BPTF: variants seen among roughly 807,000 people sequenced by gnomAD.
The protein encoded by BPTF is bromodomain PHD finger transcription factor.
A neutral mutation model predicts 292.5 loss-of-function variants in BPTF; 18 were observed. The ratio of observed to expected loss-of-function variants is 0.06; its 90% confidence interval spans 0.04 to 0.09. The LOEUF (loss-of-function observed/expected upper bound fraction) is 0.09. Among genes scored for constraint, BPTF ranks in the 10% least tolerant of loss-of-function variants. The pLI, the probability that BPTF is intolerant of heterozygous loss-of-function variation, is 1.00. For missense variants in BPTF, 2,726 were observed against 3,498.7 expected (o/e 0.78, Z 5.57); for synonymous variants, 1,225 against 1,251.9 (o/e 0.98, Z 0.45).
intron 9 of BPTF, among the ~76,000 whole-genome samples, chr17:67,906,318 A>C (rs112823619): frequency 7.9e-5 from 12 of 152,204 alleles, no homozygotes; most frequent in African/African-American, 2.6e-4. Flanking sequence ...TGACTTTGTG[A>C]TCTGCCCGCC....
At chr17:67,851,929 T>C (rs941703455) in intron 1 of BPTF, among the ~76,000 whole-genome samples, 6 of 152,100 alleles carry the variant, frequency 3.9e-5, no homozygotes, top group Admixed American at 3.3e-4. Context: ...CTTTTTTTTT[T>C]TTAATGCAGG....
At chr17:67,869,825 TACA>T in intron 3 of BPTF, among the ~76,000 whole-genome samples, 1 of 25,490 alleles carries the variant, frequency 3.9e-5, no homozygotes, top group South Asian at 1.0e-3. Context: ...CTACTAAAAA[TACA>T]AAAAAAAAAA....
chr17:67,906,840 A>G (rs1382532433), intron 9 of BPTF, among the ~76,000 whole-genome samples: 2 of 152,320 alleles, frequency 1.3e-5, no homozygotes, highest in East Asian at 3.9e-4. Context: ...TAAAAAATGG[A>G]TATACCTTGC....
intron 1 of BPTF, among the ~76,000 whole-genome samples, chr17:67,853,013 G>T (rs2058501400): frequency 6.6e-6 from 1 of 152,190 alleles, no homozygotes; most frequent in African/African-American, 2.4e-5. Flanking sequence ...GCGCCTGCCT[G>T]TAGTCCCAGC....
chr17:67,851,658 A>T (rs1390507766), intron 1 of BPTF, among the ~76,000 whole-genome samples: 1 of 152,318 alleles, frequency 6.6e-6, no homozygotes, highest in East Asian at 1.9e-4. Context: ...TATATTTCTT[A>T]CTTTGGTTGT....
chr17:67,959,672 A>AGCC lies in BPTF; in HGVS notation c.8058_8059insGCC (p.Ser2686_Pro2687insAla). On this transcript the variant is annotated inframe_insertion, in exon 24 of 28. Coordinates refer to ENST00000306378, the MANE Select transcript of BPTF (RefSeq NM_182641.4). Reference sequence around the variant, plus strand: ...CAGCCCCTCCAGCCCCTCCACCTTCACCTCCCCCTCCACCTGCTGTGCAAC... The same window carrying AGCC: ...CAGCCCCTCCAGCCCCTCCACCTTCAGCCCCTCCCCCTCCACCTGCTGTGCAAC... 1.5e-6 allele frequency: 2 copies of AGCC among 1,369,576 alleles called. No homozygotes were observed. Among genetic ancestry groups the AGCC allele is most frequent in the Non-Finnish European group, 1.9e-6 (2 of 1,028,232 alleles). 84.8% of individuals were successfully genotyped at this position (1,369,576 alleles called of 1,614,324 possible).
At chr17:67,844,527 G>A (rs541875488) in intron 1 of BPTF, among the ~76,000 whole-genome samples, 49 of 150,966 alleles carry the variant, frequency 3.2e-4, no homozygotes, top group Non-Finnish European at 5.0e-4. Context: ...GATTACAGGC[G>A]TGAGCCACCA....
rs1466490208 is a variant in BPTF, at chr17:67,911,230, C to G, written c.3346C>G (p.Gln1116Glu). Reference protein sequence around the residue: ...PVITKAKEGCQSDSMRQEQSP... With the variant: ...PVITKAKEGCESDSMRQEQSP... ...AATAACGAAAGCAAAAGAAGGGTGT[C>G]AGAGTGACTCGATGAGACAAGAACA... The change falls in exon 11 of 28, where the codon CAG becomes GAG. Residue 1116 changes from glutamine (Q) to glutamate (E), a missense_variant. By Grantham distance (29) the Gln-to-Glu change is conservative (BLOSUM62 2). Coordinates refer to ENST00000306378, the MANE Select transcript of BPTF (RefSeq NM_182641.4). 2 of 1,613,968 alleles carry G rather than the reference C, an allele frequency of 1.2e-6. No individual in the cohort carries two copies. Among genetic ancestry groups the G allele is most frequent in the Middle Eastern group, 1.6e-4 (1 of 6,062 alleles).
At position 67,910,889 on chromosome 17, in the gene BPTF, T is replaced by C; in HGVS notation, c.3005T>C (p.Leu1002Pro). Residue 1002 changes from leucine (L) to proline (P), a missense_variant, in exon 11 of 28, where the codon CTC becomes CCC. Leu to Pro is a moderately conservative substitution (Grantham distance 98, BLOSUM62 -3). Around this residue, in one of 22 missense-constraint regions of BPTF, gnomAD observed 713 missense variants for 714.9 expected, o/e 1.00. Transcript: ENST00000306378. The stretch of plus-strand genomic sequence containing the variant: ...CTTTGTTTCACAGATGTGAAGGAGC[T>C]CTTAGATTCTGACAGTGATAAACCC... ...TEKKDQDVKE[L>P]LDSDSDKPCK... The C allele has an allele frequency of 1.3e-6, 2 of 1,582,610 alleles. No individual in the cohort carries two copies. Among genetic ancestry groups the C allele is most frequent in the East Asian group, 4.5e-5 (2 of 44,660 alleles).
At chr17:67,937,973 G>T (rs1481370126) in intron 18 of BPTF, among the ~76,000 whole-genome samples, 1 of 152,054 alleles carries the variant, frequency 6.6e-6, no homozygotes, top group African/African-American at 2.4e-5. Flanking sequence ...AAATAGCCGG[G>T]CATGGTGGCG....
At chr17:67,861,187 TTTA>T (rs1408350219) in intron 2 of BPTF, among the ~76,000 whole-genome samples, 1 of 152,222 alleles carries the variant, frequency 6.6e-6, no homozygotes, top group Non-Finnish European at 1.5e-5. Flanking sequence ...AACTTTTTCC[TTTA>T]TTGTTTGCTA....
At chr17:67,918,139 T>C (rs1401794656) in intron 11 of BPTF, among the ~76,000 whole-genome samples, 1 of 151,556 alleles carries the variant, frequency 6.6e-6, no homozygotes, top group East Asian at 1.9e-4. Flanking sequence ...TTTTGCCATA[T>C]TGGTCAGGCT....
intron 3 of BPTF, among the ~76,000 whole-genome samples, chr17:67,873,946 C>T (rs2059904581): frequency 6.6e-6 from 1 of 151,962 alleles, no homozygotes; most frequent in Non-Finnish European, 1.5e-5. Context: ...AGGGAAAATA[C>T]AAGGTGAGCC....
chr17:67,908,191 C>T (rs184351422), intron 9 of BPTF, among the ~76,000 whole-genome samples: 31 of 152,270 alleles, frequency 2.0e-4, no homozygotes, highest in Non-Finnish European at 4.3e-4. Context: ...CAGAGTCTTG[C>T]TCTGTCAGCC....
At chr17:67,951,950 G>A (rs2066405591) in intron 23 of BPTF, among the ~76,000 whole-genome samples, 2 of 150,658 alleles carry the variant, frequency 1.3e-5, no homozygotes, top group Admixed American at 1.3e-4. Context: ...AGCTACTCAG[G>A]AGGATCAGGC....
At chr17:67,953,489 C>G (rs1167396967) in intron 23 of BPTF, among the ~76,000 whole-genome samples, 1 of 150,506 alleles carries the variant, frequency 6.6e-6, no homozygotes, top group Non-Finnish European at 1.5e-5. Context: ...AACCCCTGAC[C>G]TCAGGTGATC....
chr17:67,898,206 C>G (rs2061577880), intron 7 of BPTF, among the ~76,000 whole-genome samples: 1 of 152,128 alleles, frequency 6.6e-6, no homozygotes, highest in Non-Finnish European at 1.5e-5. Flanking sequence ...CCCATCTCTA[C>G]TAAAAATTAG....
Position 67,854,619 on chromosome 17 carries a change from T to C in BPTF, c.1293T>C (p.Cys431=), listed in dbSNP as rs2058586510. 1 of 1,614,190 alleles carries C rather than the reference T, an allele frequency of 6.2e-7. No individual in the cohort carries two copies. The highest frequency in any genetic ancestry group is 8.5e-7 in the Non-Finnish European group (1 of 1,180,034). Reference sequence around the variant, plus strand: ...AGGTGCCAGAGGACGAGTGGCAGTGTGAAGTCTGTGTAGCACACAAGGTGC... The same window carrying C: ...AGGTGCCAGAGGACGAGTGGCAGTGCGAAGTCTGTGTAGCACACAAGGTGC... ...LEEVPEDEWQ[C]EVCVAHKVPG... Residue 431 remains cysteine, a synonymous_variant, in exon 2 of 28, where the codon TGT becomes TGC. Coordinates refer to ENST00000306378, the MANE Select transcript of BPTF (RefSeq NM_182641.4). This position sits in a 1 kb window ranked among gnomAD's most constrained non-coding sequence, Gnocchi z 5.6.
intron 7 of BPTF, among the ~76,000 whole-genome samples, chr17:67,902,182 T>C (rs935815690): frequency 6.6e-6 from 1 of 152,174 alleles, no homozygotes; most frequent in African/African-American, 2.4e-5. Context: ...CTTTGCCTCA[T>C]GGACACCAAG....
Sources: allele counts gnomAD v4.1 joint callset (sites outside exome capture counted in the v4.1 genomes callset), GRCh38; gene constraint gnomAD v4.1.1; regional missense constraint gnomAD v4.1.1; non-coding constraint Gnocchi (gnomAD v3.1); transcripts MANE v1.5; gene names NCBI Gene and HGNC (gene_info 2026-07-23, HGNC 2026-07-21).